The following KCNAB1 variants were observed in gnomAD, a reference collection of about 807,000 sequenced individuals.
KCNAB1 encodes the protein potassium voltage-gated channel subfamily A regulatory beta subunit 1, also known as voltage-gated potassium channel subunit beta-1.
Under a neutral mutation model 64.6 loss-of-function variants are expected in KCNAB1, and 35 were observed. The ratio of observed to expected loss-of-function variants is 0.54; its 90% CI spans 0.41 to 0.72. The LOEUF (loss-of-function observed/expected upper bound fraction) is 0.72. KCNAB1 is among the 30% of genes least tolerant of loss of function. KCNAB1 has a pLI of 0.00. For missense variants in KCNAB1, 401 were observed against 512.9 expected, an observed-to-expected ratio of 0.78 and a Z score of 2.11; for synonymous variants, 177 against 183.8, an observed-to-expected ratio of 0.96 and a Z score of 0.30.
chr3:156,306,387 G>A (rs890215690), intron 1 of KCNAB1, among the ~76,000 whole-genome samples: 4 of 152,142 alleles, frequency 2.6e-5, no homozygotes, highest in African/African-American at 7.2e-5. Flanking sequence ...CCTTTTCTTC[G>A]AGGTTGCATG....
In KCNAB1 at chr3:156,179,021, A is replaced by G. The variant is rs914172824; in HGVS notation, c.275+58135A>G. Among the ~76,000 whole-genome samples, 8 of 132,186 alleles carry G rather than the reference A, an allele frequency of 6.1e-5. No homozygotes were observed. In the South Asian group the frequency reaches 1.2e-3, roughly 20 times the overall value. 86.7% of individuals were successfully genotyped at this position (132,186 alleles called of 152,430 possible). ...GTCTCAAAAAAAAAAAAAAAAAAAA[A>G]AAAAAATTGATTATTTTTTAACTAA... On this transcript the variant is annotated intron_variant, in intron 1 of 13. Coordinates refer to ENST00000490337, the MANE Select transcript of KCNAB1 (RefSeq NM_172160.3).
intron 8 of KCNAB1, among the ~76,000 whole-genome samples, chr3:156,494,619 G>C (rs572577769): frequency 4.0e-5 from 6 of 148,690 alleles, no homozygotes; most frequent in African/African-American, 1.3e-4. Flanking sequence ...AAGTTTCAAG[G>C]CAATGAAGGC....
At chr3:156,185,000 C>T (rs901045291) in intron 1 of KCNAB1, among the ~76,000 whole-genome samples, 1 of 152,154 alleles carries the variant, frequency 6.6e-6, no homozygotes, top group Non-Finnish European at 1.5e-5. Context: ...TATCTCTGTT[C>T]TCATAGAGGA....
intron 1 of KCNAB1, among the ~76,000 whole-genome samples, chr3:156,194,433 C>G (rs1323036624): frequency 1.3e-5 from 2 of 152,050 alleles, no homozygotes; most frequent in African/African-American, 4.8e-5. Context: ...TGTAATAAAT[C>G]TATTCTCATT....
At chr3:156,267,140 T>G (rs1412785221) in intron 1 of KCNAB1, among the ~76,000 whole-genome samples, 2 of 152,236 alleles carry the variant, frequency 1.3e-5, no homozygotes, top group Non-Finnish European at 2.9e-5. Context: ...TATCTTTTTT[T>G]CTCTGCAGAG....
In KCNAB1 at chr3:156,180,704, A is replaced by G. The variant is rs181292265; in HGVS notation, c.275+59818A>G. 5.6e-4 allele frequency among the ~76,000 whole-genome samples: 86 copies of G among 152,314 alleles called. No individual in the cohort carries two copies. The Middle Eastern group carries it at 0.01, about 18-fold the overall frequency. On this transcript the variant is annotated intron_variant, in intron 1 of 13. Coordinates refer to ENST00000490337, the MANE Select transcript of KCNAB1 (RefSeq NM_172160.3). ...CAATGATGATGATAGAGATGAGTAAAACATCATCTGTCCTGAAGAACGAGG... is the reference window on the plus strand; with the variant it reads ...CAATGATGATGATAGAGATGAGTAAGACATCATCTGTCCTGAAGAACGAGG...
chr3:156,426,913 C>T (rs1240027383), intron 2 of KCNAB1, among the ~76,000 whole-genome samples: 1 of 152,092 alleles, frequency 6.6e-6, no homozygotes, highest in Non-Finnish European at 1.5e-5. Context: ...CATTGAAAAC[C>T]TTGGGTCAGG....
chr3:156,394,056 T>C (rs1033246338), intron 1 of KCNAB1, among the ~76,000 whole-genome samples: 3 of 152,192 alleles, frequency 2.0e-5, no homozygotes, highest in Admixed American at 6.5e-5. Flanking sequence ...CACTTAACTA[T>C]TGGAGTGTTA....
intron 1 of KCNAB1, among the ~76,000 whole-genome samples, chr3:156,165,707 GT>G (rs1711529888): frequency 6.6e-6 from 1 of 152,184 alleles, no homozygotes; most frequent in Non-Finnish European, 1.5e-5. Context: ...TATAGTTAGT[GT>G]TTTTATATGT....
intron 1 of KCNAB1, among the ~76,000 whole-genome samples, chr3:156,188,254 T>G (rs749452647): frequency 9.2e-5 from 14 of 151,882 alleles, no homozygotes; most frequent in Non-Finnish European, 2.1e-4. Flanking sequence ...TCTAGAAAAT[T>G]TTGGAAAATA....
chr3:156,534,190 G>A (rs1007766190), intron 13 of KCNAB1, among the ~76,000 whole-genome samples: 11 of 152,140 alleles, frequency 7.2e-5, no homozygotes, highest in African/African-American at 2.7e-4. Flanking sequence ...GCCCAGCAGT[G>A]GTGGCACTGG....
chr3:156,495,208 C>T (rs12632151), intron 8 of KCNAB1, among the ~76,000 whole-genome samples: 28,116 of 152,008 alleles, frequency 0.18, 2,660 homozygotes, highest in Middle Eastern at 0.27. Flanking sequence ...GATCTCATTC[C>T]TTTTTGTGGC....
chr3:156,433,001 CAGTT>C (rs1716338153), intron 2 of KCNAB1, among the ~76,000 whole-genome samples: 1 of 152,192 alleles, frequency 6.6e-6, no homozygotes, highest in African/African-American at 2.4e-5. Flanking sequence ...GCCTGCGTCT[CAGTT>C]TGTGAACTCT....
At chr3:156,280,181 C>T (rs1335186284) in intron 1 of KCNAB1, among the ~76,000 whole-genome samples, 29 of 150,650 alleles carry the variant, frequency 1.9e-4, no homozygotes, top group South Asian at 1.3e-3. Context: ...CAGCTTTCTA[C>T]GTATGGCTAG....
At chr3:156,183,598 CT>C (rs1256048284) in intron 1 of KCNAB1, among the ~76,000 whole-genome samples, 1 of 152,184 alleles carries the variant, frequency 6.6e-6, no homozygotes, top group African/African-American at 2.4e-5. Context: ...GCCAGCCTGG[CT>C]TTTTGCCCTG....
intron 1 of KCNAB1, among the ~76,000 whole-genome samples, chr3:156,141,843 T>A (rs997203507): frequency 6.6e-6 from 1 of 152,246 alleles, no homozygotes; most frequent in African/African-American, 2.4e-5. Flanking sequence ...AAGAAACTTT[T>A]CTGGAGTGGC....
At chr3:156,195,304 A>G (rs1713842405) in intron 1 of KCNAB1, among the ~76,000 whole-genome samples, 1 of 152,222 alleles carries the variant, frequency 6.6e-6, no homozygotes. Context: ...TATACCCAGC[A>G]GTGGGAATGC....
chr3:156,385,222 A>G (rs916171306), intron 1 of KCNAB1, among the ~76,000 whole-genome samples: 5 of 152,228 alleles, frequency 3.3e-5, no homozygotes, highest in Non-Finnish European at 5.9e-5. Flanking sequence ...AAGGAAGCTC[A>G]GAGATGAGGA....
At chr3:156,206,084 T>C (rs988633667) in intron 1 of KCNAB1, among the ~76,000 whole-genome samples, 3 of 152,156 alleles carry the variant, frequency 2.0e-5, no homozygotes, top group Admixed American at 2.0e-4. Flanking sequence ...ATTTGGGGAG[T>C]TTGCACTCCC....
Sources: allele counts gnomAD v4.1 joint callset (sites outside exome capture counted in the v4.1 genomes callset), GRCh38; gene constraint gnomAD v4.1.1; transcripts MANE v1.5; gene names NCBI Gene and HGNC (gene_info 2026-07-23, HGNC 2026-07-21).